GDA: variants seen among roughly 807,000 people sequenced by gnomAD.
GDA encodes the protein cytoplasmic PSD-95 interactor.
Under a neutral mutation model 59.6 loss-of-function variants are expected in GDA, and 18 were observed. The observed-to-expected ratio is 0.30, with a 90% CI of 0.21 to 0.45. The LOEUF (loss-of-function observed/expected upper bound fraction) is 0.45. Ranked by LOEUF, GDA falls within the 20% of genes least tolerant of loss-of-function variation. The pLI is 1.00. For missense variants in GDA, 427 were observed against 552.3 expected (o/e 0.77, Z 2.27); for synonymous variants, 201 against 201.1 (o/e 1.00, Z 0.00).
chr9:72,250,887 T>C lies in GDA; in HGVS notation c.*2545T>C. On this transcript the variant is annotated 3_prime_UTR_variant, in exon 14 of 14. Transcript: ENST00000358399. ...TCGATTATCATAAATTCACAAAATA[T>C]TTTTGCAACCAGAACACAAAAGCAG... The C allele has an allele frequency of 6.4e-7, 1 of 1,553,064 alleles. No homozygotes were observed. Among genetic ancestry groups the C allele is most frequent in the Non-Finnish European group, 8.8e-7 (1 of 1,131,656 alleles).
At chr9:72,179,578 T>C (rs541992575) in intron 1 of GDA, among the ~76,000 whole-genome samples, 94 of 152,316 alleles carry the variant, frequency 6.2e-4, no homozygotes, top group African/African-American at 2.2e-3. Flanking sequence ...CTGCAGTGTT[T>C]TCCTGTCGAT....
intron 1 of GDA, among the ~76,000 whole-genome samples, chr9:72,139,377 C>T (rs1442678090): frequency 2.6e-5 from 4 of 152,130 alleles, no homozygotes; most frequent in African/African-American, 2.4e-5. Context: ...GGGAAATGAC[C>T]GTAATTAGCT....
In GDA at chr9:72,249,606, T is replaced by G; in HGVS notation, c.*1264T>G. ...AGACTATTTTTATGCTTCCATAACC[T>G]AGAATTAAAACCAAATTATGACCTT... On this transcript the variant is annotated 3_prime_UTR_variant, in exon 14 of 14. Transcript: ENST00000358399. 3.0e-6 allele frequency: 2 copies of G among 656,184 alleles called. No homozygotes were observed. The highest frequency in any genetic ancestry group is 3.8e-6 in the Non-Finnish European group (2 of 529,904). 40.6% of individuals were successfully genotyped at this position (656,184 alleles called of 1,614,324 possible). A position where few individuals can be genotyped will look rare whatever the true frequency, so the allele number is the denominator to read the frequency against.
upstream of GDA, among the ~76,000 whole-genome samples, chr9:72,145,963 T>G (rs1479980153): frequency 6.6e-6 from 1 of 152,158 alleles, no homozygotes; most frequent in Non-Finnish European, 1.5e-5. Flanking sequence ...GACCAGGGAC[T>G]GTGTTAAGGG....
intron 1 of GDA, among the ~76,000 whole-genome samples, chr9:72,131,924 G>A (rs1018052109): frequency 6.6e-5 from 10 of 152,196 alleles, no homozygotes; most frequent in Middle Eastern, 3.2e-3. Flanking sequence ...ACATGGCTGA[G>A]AAGGCTTCAC....
At chr9:72,124,898 G>A (rs369988033) in intron 1 of GDA, among the ~76,000 whole-genome samples, 2 of 152,140 alleles carry the variant, frequency 1.3e-5, no homozygotes, top group East Asian at 1.9e-4. Flanking sequence ...TTGAGCCATC[G>A]CGCCTGGCCC....
intron 1 of GDA, among the ~76,000 whole-genome samples, chr9:72,169,642 C>G (rs1829729822): frequency 6.6e-6 from 1 of 152,176 alleles, no homozygotes; most frequent in African/African-American, 2.4e-5. Context: ...GTGCGACTCT[C>G]AAATTGCTCT....
chr9:72,237,514 G>A (rs1417890313), intron 10 of GDA, among the ~76,000 whole-genome samples: 1 of 152,102 alleles, frequency 6.6e-6, no homozygotes, highest in Non-Finnish European at 1.5e-5. Context: ...CAGTCTCTTT[G>A]ACTTTACACA....
chr9:72,244,176 CAAA>C (rs1039375512), intron 11 of GDA, among the ~76,000 whole-genome samples: 2 of 117,428 alleles, frequency 1.7e-5, no homozygotes, highest in Admixed American at 9.1e-5. Context: ...GACTCCGTCT[CAAA>C]AAAAAAAAAA....
chr9:72,221,626 G>A (rs1836890136), intron 6 of GDA, among the ~76,000 whole-genome samples: 1 of 152,126 alleles, frequency 6.6e-6, no homozygotes, highest in African/African-American at 2.4e-5. Flanking sequence ...TGTGTCATAG[G>A]GGTTTGTTGT....
chr9:72,130,391 G>C (rs926331029), intron 1 of GDA, among the ~76,000 whole-genome samples: 8 of 152,196 alleles, frequency 5.3e-5, no homozygotes, highest in African/African-American at 1.9e-4. Context: ...AAATGAAGAA[G>C]TTTTTGGTGA....
At chr9:72,176,569 T>A (rs950398509) in intron 1 of GDA, among the ~76,000 whole-genome samples, 1 of 152,200 alleles carries the variant, frequency 6.6e-6, no homozygotes, top group African/African-American at 2.4e-5. Context: ...CCCTGACAGA[T>A]GGTCATTCAG....
chr9:72,259,250 C>T (rs1246278801), downstream of GDA, among the ~76,000 whole-genome samples: 1 of 152,072 alleles, frequency 6.6e-6, no homozygotes, highest in African/African-American at 2.4e-5. Flanking sequence ...GTCTTGAATT[C>T]CTGACCTTGT....
chr9:72,167,245 C>T (rs773931319), intron 1 of GDA, among the ~76,000 whole-genome samples: 10 of 152,126 alleles, frequency 6.6e-5, no homozygotes, highest in Non-Finnish European at 1.5e-4. Context: ...TGATTGCTTC[C>T]TTAACCCCTC....
At chr9:72,257,427 A>T (rs1418537994), downstream of GDA, 4 of 152,256 alleles carry the variant, frequency 2.6e-5, no homozygotes, top group African/African-American at 4.8e-5. Flanking sequence ...CTTTAGAGAT[A>T]GGATATAAAC....
chr9:72,168,164 A>G (rs1829538614), intron 1 of GDA, among the ~76,000 whole-genome samples: 2 of 152,136 alleles, frequency 1.3e-5, no homozygotes, highest in South Asian at 2.1e-4. Flanking sequence ...TGGGAGGCCA[A>G]AGCAGGAGGA....
At chr9:72,157,478 T>C (rs886715989) in intron 1 of GDA, among the ~76,000 whole-genome samples, 1 of 152,228 alleles carries the variant, frequency 6.6e-6, no homozygotes, top group Non-Finnish European at 1.5e-5. Flanking sequence ...CAAGAATAAC[T>C]ACCTTCTCCT....
rs117904874 is a variant in GDA, at chr9:72,236,419, A to C, written c.989-4733A>C. 5.8e-3 allele frequency among the ~76,000 whole-genome samples: 880 copies of C among 152,096 alleles called. 4 individuals carry two copies. The highest frequency in any genetic ancestry group is 9.4e-3 in the Non-Finnish European group (641 of 67,990). On this transcript the variant is annotated intron_variant, in intron 10 of 13. Coordinates refer to ENST00000358399, the MANE Select transcript of GDA (RefSeq NM_004293.5). ...TCTTAAACTTTCTACCCCAACTTCT[A>C]GTTTAAGGCCTCCCTCATATCATAA...
At chr9:72,210,531 C>A in intron 3 of GDA, among the ~76,000 whole-genome samples, 156 bp from the exon 4 acceptor site, 1 of 152,100 alleles carries the variant, frequency 6.6e-6, no homozygotes, top group East Asian at 1.9e-4. Context: ...AATATAAATA[C>A]CTTTTGCCAT....
Sources: allele counts gnomAD v4.1 joint callset (sites outside exome capture counted in the v4.1 genomes callset), GRCh38; gene constraint gnomAD v4.1.1; transcripts MANE v1.5; gene names NCBI Gene and HGNC (gene_info 2026-07-23, HGNC 2026-07-21).